EML6: variants seen among roughly 807,000 people sequenced by gnomAD.
The protein encoded by EML6 is EMAP like 6.
In EML6, 154 loss-of-function variants were observed where a neutral mutation model predicts 240.1. The ratio of observed to expected loss-of-function variants is 0.64; its 90% CI spans 0.56 to 0.73. The LOEUF is 0.73. Ranked by LOEUF, EML6 falls within the 30% of genes least tolerant of loss-of-function variation. The pLI is 0.00. For synonymous variants in EML6, 1,148 were observed against 899.0 expected, an observed-to-expected ratio of 1.28 and a Z score of -4.95; for missense variants, 2,964 against 2,474.6, an observed-to-expected ratio of 1.20 and a Z score of -4.20.
intron 2 of EML6, among the ~76,000 whole-genome samples, chr2:54,766,671 T>G (rs7600540): frequency 6.6e-6 from 1 of 151,852 alleles, no homozygotes. Flanking sequence ...ACAGTTTGAG[T>G]CTGTGTAAAT....
At chr2:54,902,913 G>C (rs932171359) in intron 22 of EML6, 131 bp from the exon 23 acceptor site, 2 of 778,394 alleles carry the variant, frequency 2.6e-6, no homozygotes, top group Non-Finnish European at 4.1e-6. Context: ...GTTCTCACAA[G>C]TGTAGTGTCA....
chr2:54,968,661 C>G lies in EML6; in HGVS notation c.5752-7C>G. 1.9e-6 allele frequency: 3 copies of G among 1,539,052 alleles called. No homozygotes were observed. Among genetic ancestry groups the G allele is most frequent in the Non-Finnish European group, 2.6e-6 (3 of 1,135,524 alleles). On this transcript the variant is annotated splice_polypyrimidine_tract_variant and splice_region_variant and intron_variant, in intron 40 of 41. Transcript: ENST00000356458. ...TCTTAGCTGTCTCCATTCACTTTTGCTCACAGGCCAAACATAAGCGATACT... is the reference window on the plus strand; with the variant it reads ...TCTTAGCTGTCTCCATTCACTTTTGGTCACAGGCCAAACATAAGCGATACT...
intron 2 of EML6, among the ~76,000 whole-genome samples, chr2:54,757,616 C>T (rs1667793994): frequency 6.6e-6 from 1 of 152,142 alleles, no homozygotes. Flanking sequence ...AGTAAATCTC[C>T]AGAGTTCTGC....
At chr2:54,934,537 T>C (rs1052683774) in intron 28 of EML6, among the ~76,000 whole-genome samples, 2 of 151,936 alleles carry the variant, frequency 1.3e-5, no homozygotes, top group East Asian at 1.9e-4. Flanking sequence ...TTAGAACATA[T>C]ATACATATAT....
intron 2 of EML6, among the ~76,000 whole-genome samples, chr2:54,798,944 C>T (rs144988265): frequency 2.0e-5 from 3 of 152,276 alleles, no homozygotes; most frequent in Admixed American, 6.5e-5. Context: ...TGGGAATTTC[C>T]ATTCTATTCT....
intron 24 of EML6, among the ~76,000 whole-genome samples, chr2:54,909,514 T>C (rs1673526946): frequency 6.6e-6 from 1 of 152,140 alleles, no homozygotes; most frequent in Admixed American, 6.6e-5. Context: ...GAACCTTATT[T>C]TTAGTCAGGT....
At chr2:54,895,630 T>C (rs1040709730) in intron 21 of EML6, among the ~76,000 whole-genome samples, 1 of 152,256 alleles carries the variant, frequency 6.6e-6, no homozygotes, top group African/African-American at 2.4e-5. Context: ...GAGCACAGCT[T>C]AACTGGATCT....
chr2:54,782,484 C>T (rs1315407608), intron 2 of EML6, among the ~76,000 whole-genome samples: 1 of 152,130 alleles, frequency 6.6e-6, no homozygotes, highest in African/African-American at 2.4e-5. Flanking sequence ...CAAATTCAGG[C>T]CTTGCTTTTA....
chr2:54,886,455 C>T (rs928266248), intron 17 of EML6, among the ~76,000 whole-genome samples: 4 of 152,158 alleles, frequency 2.6e-5, no homozygotes, highest in Admixed American at 6.5e-5. Flanking sequence ...CAGGTGTGCG[C>T]CACCGCGTCT....
intron 19 of EML6, 89 bp downstream of exon 19, chr2:54,892,745 C>T (rs1034449718): frequency 1.3e-5 from 12 of 928,302 alleles, no homozygotes; most frequent in East Asian, 2.6e-5. Context: ...ATGCCTGTAT[C>T]TAAAACAGGC....
At position 54,736,463 on chromosome 2, in the gene EML6, C is replaced by T. The variant is rs548020445; in HGVS notation, c.197+11205C>T. On this transcript the variant is annotated intron_variant, in intron 2 of 41. Coordinates refer to ENST00000356458, the MANE Select transcript of EML6 (RefSeq NM_001039753.4). ...TACCTTTTCTGGGCCTCGGTTTCCT[C>T]ATTTATAAATCCCTAAGATCCTTCC... is the stretch of plus-strand genomic sequence containing the variant. Among the ~76,000 whole-genome samples, 11 of 152,326 alleles carry T rather than the reference C, an allele frequency of 7.2e-5. No individual in the cohort carries two copies. The South Asian group carries it at 2.3e-3, about 32-fold the overall frequency.
intron 2 of EML6, among the ~76,000 whole-genome samples, chr2:54,777,602 C>G (rs750943664): frequency 2.0e-5 from 3 of 152,140 alleles, no homozygotes; most frequent in Non-Finnish European, 4.4e-5. Flanking sequence ...CCTCATTTAA[C>G]TCCTGTATTT....
chr2:54,858,529 C>T (rs1023901873), intron 11 of EML6, among the ~76,000 whole-genome samples: 2 of 152,148 alleles, frequency 1.3e-5, no homozygotes, highest in Non-Finnish European at 2.9e-5. Context: ...TTAGTTGGAG[C>T]CAGTTTGACT....
chr2:54,967,866 C>T (rs779049396), intron 39 of EML6, among the ~76,000 whole-genome samples: 8 of 152,176 alleles, frequency 5.3e-5, no homozygotes, highest in East Asian at 3.8e-4. Context: ...CAATAGGGTT[C>T]GCACTCCTAT....
intron 2 of EML6, among the ~76,000 whole-genome samples, chr2:54,757,170 T>A (rs2103738044): frequency 6.6e-6 from 1 of 152,304 alleles, no homozygotes; most frequent in Middle Eastern, 3.4e-3. Context: ...TCCTTTTCTC[T>A]GTCACCTCAG....
intron 2 of EML6, among the ~76,000 whole-genome samples, chr2:54,785,170 C>CT (rs57639955): frequency 0.049 from 4,999 of 102,518 alleles, 338 homozygotes; most frequent in African/African-American, 0.16. Context: ...CACACACACA[C>CT]TTTTTTTTTT....
chr2:54,865,734 A>G (rs182463561), intron 13 of EML6, among the ~76,000 whole-genome samples: 1 of 152,368 alleles, frequency 6.6e-6, no homozygotes, highest in Admixed American at 6.5e-5. Flanking sequence ...ATTTCAGATA[A>G]GGAATACTCA....
chr2:54,742,311 A>G (rs1372288021), intron 2 of EML6, among the ~76,000 whole-genome samples: 3 of 152,124 alleles, frequency 2.0e-5, no homozygotes, highest in African/African-American at 7.2e-5. Flanking sequence ...TACTCCTTGC[A>G]GTAAGTCAAA....
chr2:54,789,402 T>C (rs1243581367), intron 2 of EML6, among the ~76,000 whole-genome samples: 1 of 150,472 alleles, frequency 6.6e-6, no homozygotes, highest in East Asian at 1.9e-4. Flanking sequence ...TAGTCCCAGC[T>C]ACTCGGGAGG....
Sources: allele counts gnomAD v4.1 joint callset (sites outside exome capture counted in the v4.1 genomes callset), GRCh38; gene constraint gnomAD v4.1.1; transcripts MANE v1.5; gene names NCBI Gene and HGNC (gene_info 2026-07-23, HGNC 2026-07-21).